The following DPP10 variants were observed in gnomAD, a reference collection of about 807,000 sequenced individuals.
The protein encoded by DPP10 is inactive dipeptidyl peptidase 10.
DPP10 carries 33 observed loss-of-function variants against 120.9 expected under a neutral mutation model. That is an observed-to-expected ratio of 0.27 (90% CI 0.21 to 0.37). The LOEUF (loss-of-function observed/expected upper bound fraction) is 0.37, where lower values mean the gene tolerates loss of function less well. Ranked by LOEUF, DPP10 falls within the 10% of genes least tolerant of loss-of-function variation. DPP10 has a pLI of 1.00. For synonymous variants in DPP10, 337 were observed against 326.1 expected (o/e 1.03, Z -0.36); for missense variants, 816 against 942.8 (o/e 0.87, Z 1.76).
intron 3 of DPP10, among the ~76,000 whole-genome samples, chr2:115,433,944 C>A (rs1168290677): frequency 6.6e-6 from 1 of 151,850 alleles, no homozygotes; most frequent in East Asian, 1.9e-4. Flanking sequence ...GAATTCTGGT[C>A]TTCTCTAACA....
At chr2:115,598,957 T>C in intron 5 of DPP10, among the ~76,000 whole-genome samples, 1 of 151,266 alleles carries the variant, frequency 6.6e-6, no homozygotes, top group South Asian at 2.1e-4. Flanking sequence ...AGATGAGAAC[T>C]TTATTTATTT....
intron 3 of DPP10, among the ~76,000 whole-genome samples, chr2:115,494,388 A>G (rs2076285248): frequency 6.6e-6 from 1 of 152,200 alleles, no homozygotes. Flanking sequence ...AAAAATGTGC[A>G]TGCAATGAGA....
chr2:114,531,864 G>T (rs1353092748), intron 1 of DPP10, among the ~76,000 whole-genome samples: 1 of 151,972 alleles, frequency 6.6e-6, no homozygotes, highest in South Asian at 2.1e-4. Flanking sequence ...CATATATCTT[G>T]TGAAACACTA....
At position 115,215,663 on chromosome 2, in the gene DPP10, A is replaced by G. The variant is rs138032879; in HGVS notation, c.61-93576A>G. On this transcript the variant is annotated intron_variant, in intron 1 of 25. Transcript: ENST00000410059. ...GGGAACATATACATCATTGGTGGGA[A>G]TATGTATTAATACAACCCCTATTGA... Among the ~76,000 whole-genome samples the G allele has an allele frequency of 6.3e-3, 958 of 152,310 alleles. 13 individuals carry two copies. Among genetic ancestry groups the G allele is most frequent in the African/African-American group, 0.021 (877 of 41,572 alleles).
At chr2:114,854,191 C>T (rs947969949) in intron 1 of DPP10, among the ~76,000 whole-genome samples, 1 of 152,124 alleles carries the variant, frequency 6.6e-6, no homozygotes, top group Admixed American at 6.5e-5. Context: ...CCTATAATGC[C>T]TCACTCCTAA....
At chr2:114,484,959 C>T (rs949757969) in intron 1 of DPP10, among the ~76,000 whole-genome samples, 4 of 146,716 alleles carry the variant, frequency 2.7e-5, no homozygotes, top group Middle Eastern at 3.5e-3. Context: ...TTTTGAAGAA[C>T]GGGTTTCAAA....
At chr2:115,356,072 G>GT (rs2064364423) in intron 3 of DPP10, among the ~76,000 whole-genome samples, 1 of 152,054 alleles carries the variant, frequency 6.6e-6, no homozygotes, top group Admixed American at 6.6e-5. Context: ...ATTTAAAGTC[G>GT]TTTTTTCTTC....
chr2:114,552,055 G>A (rs1687926186), intron 1 of DPP10, among the ~76,000 whole-genome samples: 1 of 152,190 alleles, frequency 6.6e-6, no homozygotes. Context: ...TTAACCAGAA[G>A]TTGTTTCGGC....
intron 3 of DPP10, among the ~76,000 whole-genome samples, chr2:115,406,516 A>T (rs181967399): frequency 1.3e-5 from 2 of 152,304 alleles, no homozygotes; most frequent in Admixed American, 1.3e-4. Flanking sequence ...AAAGAGAAAG[A>T]TATGACTATG....
At chr2:114,821,321 G>A (rs1482125721) in intron 1 of DPP10, among the ~76,000 whole-genome samples, 1 of 152,162 alleles carries the variant, frequency 6.6e-6, no homozygotes, top group Non-Finnish European at 1.5e-5. Flanking sequence ...AAGGATAAGA[G>A]GACAATGGTG....
intron 7 of DPP10, among the ~76,000 whole-genome samples, chr2:115,723,454 G>A (rs1199363104): frequency 1.3e-5 from 2 of 152,078 alleles, no homozygotes; most frequent in Non-Finnish European, 2.9e-5. Context: ...ATTATATGGT[G>A]TGGATGAATA....
At chr2:115,110,422 CAGG>C (rs1014455619) in intron 1 of DPP10, among the ~76,000 whole-genome samples, 1 of 152,088 alleles carries the variant, frequency 6.6e-6, no homozygotes, top group Non-Finnish European at 1.5e-5. Flanking sequence ...GCAATTTTCC[CAGG>C]AGAAGTGATC....
intron 1 of DPP10, among the ~76,000 whole-genome samples, chr2:114,750,836 A>G (rs766503802): frequency 2.0e-5 from 3 of 152,234 alleles, no homozygotes; most frequent in Non-Finnish European, 4.4e-5. Context: ...TTATCCCCTC[A>G]GCATTGGTGG....
intron 11 of DPP10, among the ~76,000 whole-genome samples, chr2:115,755,173 G>T (rs1233376270): frequency 6.6e-6 from 1 of 151,876 alleles, no homozygotes; most frequent in Non-Finnish European, 1.5e-5. Context: ...TTTTTAAACT[G>T]CATATAAATG....
intron 1 of DPP10, among the ~76,000 whole-genome samples, chr2:114,848,231 G>C (rs922208199): frequency 2.0e-5 from 3 of 152,156 alleles, no homozygotes; most frequent in African/African-American, 7.2e-5. Context: ...TTTCTCATGA[G>C]AAACTTTAAC....
intron 19 of DPP10, among the ~76,000 whole-genome samples, chr2:115,810,885 A>G (rs1446492343): frequency 6.6e-6 from 1 of 152,202 alleles, no homozygotes; most frequent in African/African-American, 2.4e-5. Flanking sequence ...AACTAAATCA[A>G]TTGGAGCTCA....
intron 1 of DPP10, among the ~76,000 whole-genome samples, chr2:115,078,739 G>A (rs980918802): frequency 6.6e-6 from 1 of 152,128 alleles, no homozygotes; most frequent in African/African-American, 2.4e-5. Flanking sequence ...CAATATGTAA[G>A]TTGTTTCAAA....
intron 11 of DPP10, among the ~76,000 whole-genome samples, chr2:115,755,519 A>G (rs889727624): frequency 1.3e-5 from 2 of 152,118 alleles, no homozygotes; most frequent in African/African-American, 4.8e-5. Context: ...TCAACTCAAA[A>G]TGAATTAAAA....
At chr2:115,831,309 C>T (rs1220436823) in intron 21 of DPP10, among the ~76,000 whole-genome samples, 3 of 151,982 alleles carry the variant, frequency 2.0e-5, no homozygotes, top group African/African-American at 4.8e-5. Context: ...AGTGCAGTGG[C>T]GCGATTTCAG....
Sources: allele counts gnomAD v4.1 joint callset (sites outside exome capture counted in the v4.1 genomes callset), GRCh38; gene constraint gnomAD v4.1.1; transcripts MANE v1.5; gene names NCBI Gene and HGNC (gene_info 2026-07-23, HGNC 2026-07-21).